ALOX5AP: variants seen among roughly 807,000 people sequenced by gnomAD.
ALOX5AP encodes arachidonate 5-lipoxygenase activating protein.
ALOX5AP carries 9 observed loss-of-function variants against 18.5 expected under a neutral mutation model. That is an observed-to-expected ratio of 0.49 (90% CI 0.29 to 0.85). The LOEUF is 0.85. Among genes scored for constraint, ALOX5AP ranks in the 40% least tolerant of loss-of-function variants. The pLI is 0.08. For missense variants in ALOX5AP, 172 were observed against 202.5 expected, an observed-to-expected ratio of 0.85 and a Z score of 0.91; for synonymous variants, 81 against 78.6, an observed-to-expected ratio of 1.03 and a Z score of -0.16.
intron 1 of ALOX5AP, chr13:30,742,317 A>T (rs545899695): frequency 7.0e-6 from 1 of 143,814 alleles, no homozygotes; most frequent in Non-Finnish European, 1.5e-5. Flanking sequence ...CTCCGTATCT[A>T]AAAAAAAAAA....
At chr13:30,740,723 G>A (rs17245470) in intron 1 of ALOX5AP, among the ~76,000 whole-genome samples, 20 of 152,178 alleles carry the variant, frequency 1.3e-4, no homozygotes, top group African/African-American at 4.8e-4. Context: ...GGGAAGATCT[G>A]TGCGTGTTTC....
chr13:30,744,160 G>T lies in ALOX5AP; in HGVS notation c.170+1G>T. 1 of 1,613,786 alleles carries T rather than the reference G, an allele frequency of 6.2e-7. No individual in the cohort carries two copies. Among genetic ancestry groups the T allele is most frequent in the Non-Finnish European group, 8.5e-7 (1 of 1,179,718 alleles). On this transcript the variant is annotated splice_donor_variant, in intron 2 of 4. Coordinates refer to ENST00000380490, the MANE Select transcript of ALOX5AP (RefSeq NM_001629.4). LOFTEE classifies it high-confidence loss of function. ...CCTTTGAGCGGGTCTACACTGCCAA[G>T]TGAGTCCTAACCCTGATGTTGCTAA...
chr13:30,728,267 T>C (rs1951654226), intron 1 of ALOX5AP, among the ~76,000 whole-genome samples: 1 of 152,206 alleles, frequency 6.6e-6, no homozygotes, highest in African/African-American at 2.4e-5. Flanking sequence ...AGCATAGCCC[T>C]GCTGACACCT....
intron 1 of ALOX5AP, among the ~76,000 whole-genome samples, chr13:30,736,440 G>C (rs1951722509): frequency 6.6e-6 from 1 of 150,762 alleles, no homozygotes; most frequent in South Asian, 2.1e-4. Flanking sequence ...TTCTGAGTTA[G>C]GGCTGCCTCA....
rs570630844 is a variant in ALOX5AP at position 30,748,650 on chromosome 13, T to C, written c.171-3402T>C. ...TTGTCAATAGGAAAGACATTTCCAC[T>C]GGGGGTTAAGAAGGAAGACATTGGA... On this transcript the variant is annotated intron_variant, in intron 2 of 4. Transcript: ENST00000380490. Among the ~76,000 whole-genome samples the C allele has an allele frequency of 3.3e-5, 5 of 152,340 alleles. No individual in the cohort carries two copies. The South Asian group carries it at 1.0e-3, about 32-fold the overall frequency.
Position 30,756,036 on chromosome 13 carries a change from G to T in ALOX5AP, c.323+11G>T. The T allele has an allele frequency of 6.2e-7, 1 of 1,613,078 alleles. No individual in the cohort carries two copies. Among genetic ancestry groups the T allele is most frequent in the Non-Finnish European group, 8.5e-7 (1 of 1,179,040 alleles). On this transcript the variant is annotated intron_variant, in intron 4 of 4. Transcript: ENST00000380490. ...AGAGAGAACGCAGAGGTAGGTAACT[G>T]GGACTACTAAAGAACTGTGGAGCGA...
At chr13:30,730,361 A>T (rs1436558467) in intron 1 of ALOX5AP, among the ~76,000 whole-genome samples, 1 of 152,240 alleles carries the variant, frequency 6.6e-6, no homozygotes, top group African/African-American at 2.4e-5. Context: ...GTTCTCACAG[A>T]CACCATTGGC....
chr13:30,727,692 C>T (rs949001280), intron 1 of ALOX5AP, among the ~76,000 whole-genome samples: 7 of 152,168 alleles, frequency 4.6e-5, no homozygotes, highest in South Asian at 2.1e-4. Context: ...GAAACTCCTT[C>T]GGTTTCTCTG....
chr13:30,758,492 C>T (rs35992232), intron 4 of ALOX5AP, among the ~76,000 whole-genome samples: 5 of 152,178 alleles, frequency 3.3e-5, no homozygotes, highest in Non-Finnish European at 7.4e-5. Flanking sequence ...CAGCCCTGTC[C>T]GCTTAGGAAG....
intron 1 of ALOX5AP, among the ~76,000 whole-genome samples, chr13:30,722,896 C>T (rs1474480680): frequency 1.3e-5 from 2 of 152,244 alleles, no homozygotes; most frequent in Non-Finnish European, 2.9e-5. Flanking sequence ...TTCACCTCCC[C>T]TTCTCCTTTT....
At chr13:30,755,834 T>C (rs560238861) in intron 3 of ALOX5AP, 110 bp from the exon 4 acceptor site, 1 of 1,021,376 alleles carries the variant, frequency 9.8e-7, no homozygotes, top group East Asian at 2.5e-5. Context: ...TTTCCTGAAG[T>C]GCGTGTGTCT....
chr13:30,726,621 T>C (rs775081389), intron 1 of ALOX5AP, among the ~76,000 whole-genome samples: 3 of 152,184 alleles, frequency 2.0e-5, no homozygotes, highest in Non-Finnish European at 4.4e-5. Flanking sequence ...ATTTGAGAAA[T>C]GAGGAAGGTA....
chr13:30,726,817 C>T (rs969286173), intron 1 of ALOX5AP, among the ~76,000 whole-genome samples: 3 of 152,026 alleles, frequency 2.0e-5, no homozygotes, highest in African/African-American at 7.3e-5. Context: ...AGGCATGCAC[C>T]ACCATACCCA....
chr13:30,714,353 C>T (rs1428833193), intron 1 of ALOX5AP, among the ~76,000 whole-genome samples: 3 of 151,968 alleles, frequency 2.0e-5, no homozygotes. Context: ...GTATCTCTGT[C>T]CTCACTGAGA....
At chr13:30,747,459 C>T (rs1951818373) in intron 2 of ALOX5AP, among the ~76,000 whole-genome samples, 1 of 152,200 alleles carries the variant, frequency 6.6e-6, no homozygotes, top group Admixed American at 6.5e-5. Flanking sequence ...AGGTGTGAGC[C>T]ACCGTGCCTG....
intron 1 of ALOX5AP, among the ~76,000 whole-genome samples, chr13:30,723,125 T>G (rs1248128321): frequency 6.6e-6 from 1 of 152,362 alleles, no homozygotes; most frequent in South Asian, 2.1e-4. Context: ...CTGTAACAAA[T>G]TACTTGGAAC....
intron 1 of ALOX5AP, among the ~76,000 whole-genome samples, chr13:30,723,379 C>T (rs1042926081): frequency 4.6e-5 from 7 of 152,180 alleles, no homozygotes; most frequent in African/African-American, 9.7e-5. Context: ...CACTGTATTG[C>T]TTTTTCTCCT....
At chr13:30,718,937 G>A (rs935633350) in intron 1 of ALOX5AP, among the ~76,000 whole-genome samples, 1 of 152,260 alleles carries the variant, frequency 6.6e-6, no homozygotes, top group African/African-American at 2.4e-5. Flanking sequence ...TTGAGTGACA[G>A]CAGCATCTTT....
chr13:30,743,499 T>C (rs1366369297), intron 1 of ALOX5AP, among the ~76,000 whole-genome samples: 15 of 151,986 alleles, frequency 9.9e-5, no homozygotes, highest in Admixed American at 9.2e-4. Context: ...TTCTACCAAA[T>C]CCCATTCCCT....
Sources: allele counts gnomAD v4.1 joint callset (sites outside exome capture counted in the v4.1 genomes callset), GRCh38; gene constraint gnomAD v4.1.1; transcripts MANE v1.5; gene names NCBI Gene and HGNC (gene_info 2026-07-23, HGNC 2026-07-21).